The following CACNA2D1 variants were observed in gnomAD, a reference collection of about 807,000 sequenced individuals.
CACNA2D1 encodes the protein voltage-dependent calcium channel subunit alpha-2/delta-1.
Under a neutral mutation model 171.5 loss-of-function variants are expected in CACNA2D1, and 53 were observed. The observed-to-expected ratio is 0.31, with a 90% CI of 0.25 to 0.39. CACNA2D1 has a LOEUF of 0.39. CACNA2D1 is among the 10% of genes least tolerant of loss of function. The pLI, the probability that CACNA2D1 is intolerant of heterozygous loss-of-function variation, is 1.00. For synonymous variants in CACNA2D1, 442 were observed against 443.1 expected, an observed-to-expected ratio of 1.00 and a Z score of 0.03; for missense variants, 903 against 1,299.8, an observed-to-expected ratio of 0.69 and a Z score of 4.69.
At chr7:82,201,401 A>T (rs1181034669) in intron 3 of CACNA2D1, among the ~76,000 whole-genome samples, 1 of 152,190 alleles carries the variant, frequency 6.6e-6, no homozygotes, top group African/African-American at 2.4e-5. Context: ...ACCTAGTATC[A>T]CTTACAAAAA....
intron 1 of CACNA2D1, among the ~76,000 whole-genome samples, chr7:82,390,757 A>C (rs1396589665): frequency 6.6e-6 from 1 of 152,186 alleles, no homozygotes; most frequent in Non-Finnish European, 1.5e-5. Context: ...ACACATAAAA[A>C]TGTACAAAGC....
chr7:82,248,693 G>C (rs889649524), intron 3 of CACNA2D1, among the ~76,000 whole-genome samples: 2 of 152,056 alleles, frequency 1.3e-5, no homozygotes, highest in Non-Finnish European at 2.9e-5. Context: ...TTATAAAACA[G>C]AGCATTGATG....
intron 6 of CACNA2D1, among the ~76,000 whole-genome samples, chr7:82,085,802 C>T (rs1043074871): frequency 6.6e-6 from 1 of 151,556 alleles, no homozygotes; most frequent in African/African-American, 2.4e-5. Context: ...ATAGGTATTA[C>T]AAACATATAC....
At chr7:82,257,620 A>T (rs1217701111) in intron 3 of CACNA2D1, among the ~76,000 whole-genome samples, 1 of 152,196 alleles carries the variant, frequency 6.6e-6, no homozygotes, top group Admixed American at 6.5e-5. Flanking sequence ...ACCATAAAAC[A>T]TTGTCAAAAT....
At chr7:81,951,967 G>GTGTTTTTTT (rs1554321608) in intron 38 of CACNA2D1, among the ~76,000 whole-genome samples, 7 of 27,528 alleles carry the variant, frequency 2.5e-4, no homozygotes, top group African/African-American at 1.1e-3. Context: ...AGTGTACAAA[G>GTGTTTTTTT]TGTTTTTTTT....
At chr7:82,439,549 T>C (rs1434067979) in intron 1 of CACNA2D1, among the ~76,000 whole-genome samples, 1 of 151,806 alleles carries the variant, frequency 6.6e-6, no homozygotes, top group Admixed American at 6.6e-5. Flanking sequence ...GCACATTTCA[T>C]TTCCCTTTAA....
intron 3 of CACNA2D1, among the ~76,000 whole-genome samples, chr7:82,286,287 C>G (rs1810755777): frequency 6.6e-6 from 1 of 152,108 alleles, no homozygotes; most frequent in Admixed American, 6.6e-5. Context: ...TGTCTTATCA[C>G]TGTCCCTGTT....
chr7:82,005,300 G>A lies in CACNA2D1; in HGVS notation c.1590+123C>T, dbSNP rs1799007136. 10 of 700,996 alleles carry A rather than the reference G, an allele frequency of 1.4e-5. No individual in the cohort carries two copies. In the East Asian group the frequency reaches 1.6e-4, roughly 12 times the overall value. The allele number at this position is 700,996 out of a possible 1,614,324, so 43.4% of individuals were successfully genotyped here. ...GTCCTTGTCATCTAAGAAGAGAGAC[G>A]CATTAGAGACTGTACTTTGATATTT... On this transcript the variant is annotated intron_variant, in intron 18 of 38. Transcript: ENST00000356860.
At chr7:82,440,736 T>C (rs1036060398) in intron 1 of CACNA2D1, among the ~76,000 whole-genome samples, 1 of 151,774 alleles carries the variant, frequency 6.6e-6, no homozygotes. Context: ...GAGCAAAAAA[T>C]GAAAGAAGAT....
intron 3 of CACNA2D1, among the ~76,000 whole-genome samples, chr7:82,296,080 A>C (rs1478340073): frequency 1.4e-5 from 2 of 145,704 alleles, no homozygotes; most frequent in Non-Finnish European, 3.0e-5. Flanking sequence ...GGACACAGGA[A>C]GGGGAACATC....
intron 4 of CACNA2D1, among the ~76,000 whole-genome samples, chr7:82,146,279 G>A (rs991269449): frequency 1.3e-5 from 2 of 150,506 alleles, no homozygotes; most frequent in Admixed American, 6.7e-5. Context: ...TTCACTAAAA[G>A]GAACTGCTCA....
At chr7:82,286,483 A>C (rs1007597105) in intron 3 of CACNA2D1, among the ~76,000 whole-genome samples, 6 of 152,234 alleles carry the variant, frequency 3.9e-5, no homozygotes, top group African/African-American at 1.2e-4. Flanking sequence ...TTATCCAGGC[A>C]AAAACAGATA....
chr7:81,993,210 G>A (rs1055911027), intron 20 of CACNA2D1, among the ~76,000 whole-genome samples: 12 of 152,168 alleles, frequency 7.9e-5, no homozygotes, highest in Admixed American at 7.9e-4. Context: ...ATTAATTTCA[G>A]ACAGATTGTA....
intron 3 of CACNA2D1, among the ~76,000 whole-genome samples, chr7:82,198,822 T>G (rs1402694456): frequency 6.6e-6 from 1 of 152,084 alleles, no homozygotes; most frequent in Admixed American, 6.6e-5. Context: ...GACCTTCCTT[T>G]TTATTAAAAA....
intron 7 of CACNA2D1, among the ~76,000 whole-genome samples, chr7:82,082,078 A>G (rs1809851208): frequency 6.6e-6 from 1 of 152,156 alleles, no homozygotes; most frequent in Non-Finnish European, 1.5e-5. Context: ...AAGTCCCGCC[A>G]TCTGCAGCCT....
intron 12 of CACNA2D1, among the ~76,000 whole-genome samples, chr7:82,017,917 T>G (rs1221821618): frequency 6.6e-6 from 1 of 152,132 alleles, no homozygotes; most frequent in Non-Finnish European, 1.5e-5. Context: ...GCGACTTTTG[T>G]GGAGAAAAAA....
chr7:81,975,064 A>C (rs1225996279), intron 24 of CACNA2D1, among the ~76,000 whole-genome samples: 4 of 152,068 alleles, frequency 2.6e-5, no homozygotes, highest in Non-Finnish European at 5.9e-5. Context: ...ACATATACAA[A>C]CACAACTGAG....
At chr7:82,042,849 G>A (rs1467595959) in intron 10 of CACNA2D1, among the ~76,000 whole-genome samples, 3 of 152,020 alleles carry the variant, frequency 2.0e-5, no homozygotes, top group East Asian at 1.9e-4. Context: ...CCAATACTAA[G>A]CTCTCTTAAA....
chr7:82,160,163 A>G (rs1449087409), intron 4 of CACNA2D1, among the ~76,000 whole-genome samples: 1 of 151,916 alleles, frequency 6.6e-6, no homozygotes, highest in African/African-American at 2.4e-5. Context: ...TATGAATGAC[A>G]AAAGACAGTG....
Sources: gnomAD v4.1 joint callset for allele counts (sites outside exome capture counted in the v4.1 genomes callset) on GRCh38, gnomAD v4.1.1 for gene constraint, MANE v1.5 for transcripts, NCBI Gene and HGNC (gene_info 2026-07-23, HGNC 2026-07-21) for gene names.